EYS: variants seen among roughly 807,000 people sequenced by gnomAD.
EYS encodes the protein EGF-like photoreceptor maintenance factor, also known as protein eyes shut homolog.
In EYS, 250 loss-of-function variants were observed where a neutral mutation model predicts 282.1. That is an observed-to-expected ratio of 0.89 (90% CI 0.80 to 0.98). EYS has a LOEUF of 0.98. Among genes scored for constraint, EYS ranks in the 50% least tolerant of loss-of-function variants. The pLI is 0.00. For missense variants in EYS, 4,016 were observed against 3,709.0 expected, an observed-to-expected ratio of 1.08 and a Z score of -2.15; for synonymous variants, 1,355 against 1,282.9, an observed-to-expected ratio of 1.06 and a Z score of -1.20.
At chr6:65,116,310 T>A (rs1775372483) in intron 12 of EYS, among the ~76,000 whole-genome samples, 1 of 152,148 alleles carries the variant, frequency 6.6e-6, no homozygotes. Context: ...GAAGTCAACA[T>A]TCTTCACGTC....
chr6:63,915,274 T>G (rs1764392861), intron 35 of EYS, among the ~76,000 whole-genome samples: 1 of 152,190 alleles, frequency 6.6e-6, no homozygotes, highest in Non-Finnish European at 1.5e-5. Context: ...CCATTCTGCT[T>G]GTGCTCTACA....
At chr6:64,802,885 G>C (rs1256525677) in intron 22 of EYS, among the ~76,000 whole-genome samples, 2 of 152,106 alleles carry the variant, frequency 1.3e-5, no homozygotes, top group Admixed American at 1.3e-4. Flanking sequence ...CAATTATTTG[G>C]CTAAACTGAT....
chr6:65,139,234 T>A (rs994524860), intron 12 of EYS, among the ~76,000 whole-genome samples: 1 of 152,088 alleles, frequency 6.6e-6, no homozygotes, highest in Non-Finnish European at 1.5e-5. Flanking sequence ...ACATACACCA[T>A]GGAATACTAT....
intron 5 of EYS, among the ~76,000 whole-genome samples, chr6:65,440,284 G>C (rs1768261693): frequency 1.3e-5 from 2 of 151,826 alleles, no homozygotes; most frequent in Admixed American, 6.6e-5. Flanking sequence ...AGATGAACAG[G>C]AGTGAGAAAC....
chr6:64,176,849 C>A (rs898954284), intron 31 of EYS, among the ~76,000 whole-genome samples: 14 of 151,814 alleles, frequency 9.2e-5, no homozygotes, highest in African/African-American at 3.1e-4. Flanking sequence ...ACTTTAAGGA[C>A]CGTTATTGAA....
At chr6:63,904,067 T>C (rs1271918156) in intron 35 of EYS, among the ~76,000 whole-genome samples, 5 of 152,226 alleles carry the variant, frequency 3.3e-5, no homozygotes, top group African/African-American at 1.2e-4. Context: ...CTATAGCTTT[T>C]CTCATGTAGT....
chr6:65,283,268 T>C lies in EYS; in HGVS notation c.2023+12595A>G, dbSNP rs114984429. ...TTTAAAAAGAACAAGTCTCATTCTG[T>C]AATAATTTTATTTTTATTTTAAAAA... is the stretch of plus-strand genomic sequence containing the variant. On this transcript the variant is annotated intron_variant, in intron 12 of 42. Coordinates refer to ENST00000503581, the MANE Select transcript of EYS (RefSeq NM_001142800.2). Among the ~76,000 whole-genome samples the C allele has an allele frequency of 6.8e-3, 1,034 of 152,056 alleles. 18 individuals carry two copies. The highest frequency in any genetic ancestry group is 0.024 in the African/African-American group (993 of 41,564).
rs777478940 is a variant in EYS at position 64,867,842 on chromosome 6, T to A, written c.2992+18855A>T. On this transcript the variant is annotated intron_variant, in intron 19 of 42. Transcript: ENST00000503581. ...TCAGACTAAGTGAATTGTAATTATT[T>A]GTGTATATTTCCTGGTCTTTTATCT... is the stretch of plus-strand genomic sequence containing the variant. 2.6e-5 allele frequency among the ~76,000 whole-genome samples: 4 copies of A among 151,644 alleles called. No homozygotes were observed. The South Asian group carries it at 6.2e-4, about 24-fold the overall frequency.
chr6:65,200,173 AG>A (rs535350008), intron 12 of EYS, among the ~76,000 whole-genome samples: 2 of 151,972 alleles, frequency 1.3e-5, no homozygotes, highest in African/African-American at 4.8e-5. Context: ...TAAGTGTCAA[AG>A]ATAATTCTGA....
intron 11 of EYS, among the ~76,000 whole-genome samples, chr6:65,313,303 A>G (rs1401297588): frequency 1.3e-5 from 2 of 151,604 alleles, no homozygotes; most frequent in Non-Finnish European, 2.9e-5. Flanking sequence ...CCTAGTTTAT[A>G]TCTGGGAAAT....
At chr6:64,887,589 T>A (rs1767138621) in intron 18 of EYS, among the ~76,000 whole-genome samples, 2 of 152,064 alleles carry the variant, frequency 1.3e-5, no homozygotes, top group Admixed American at 1.3e-4. Flanking sequence ...TGAGCTAGAT[T>A]TCTATTTAGA....
chr6:65,105,950 G>T (rs1318500701), intron 12 of EYS, among the ~76,000 whole-genome samples: 2 of 151,610 alleles, frequency 1.3e-5, no homozygotes, highest in Non-Finnish European at 1.5e-5. Flanking sequence ...TGAAAAAGTT[G>T]ATTCATAGAT....
At chr6:63,752,226 GAC>G (rs58522597) in intron 41 of EYS, among the ~76,000 whole-genome samples, 12,346 of 152,078 alleles carry the variant, frequency 0.081, 558 homozygotes, top group East Asian at 0.16. Context: ...TTTTCTGGCT[GAC>G]ACAATTGATA....
chr6:64,950,957 C>T (rs541790343), intron 14 of EYS, among the ~76,000 whole-genome samples: 34 of 151,166 alleles, frequency 2.2e-4, no homozygotes, highest in African/African-American at 8.2e-4. Flanking sequence ...TGCCCATTTG[C>T]TTCCAGATAA....
intron 13 of EYS, among the ~76,000 whole-genome samples, chr6:65,018,901 C>T (rs1772150500): frequency 6.6e-6 from 1 of 151,958 alleles, no homozygotes. Flanking sequence ...GCAATCTTAG[C>T]TTAAATAATA....
At chr6:65,178,049 G>C (rs1765272002) in intron 12 of EYS, among the ~76,000 whole-genome samples, 1 of 151,852 alleles carries the variant, frequency 6.6e-6, no homozygotes, top group African/African-American at 2.4e-5. Context: ...CAAATGGGTA[G>C]GTGGGAGTGA....
intron 35 of EYS, among the ~76,000 whole-genome samples, chr6:63,882,479 T>C (rs569555434): frequency 1.3e-5 from 2 of 152,346 alleles, no homozygotes; most frequent in Admixed American, 6.5e-5. Flanking sequence ...TTGCTTTATT[T>C]ATTCATTCAT....
chr6:64,307,285 T>C (rs1292811315), intron 29 of EYS, among the ~76,000 whole-genome samples: 2 of 152,084 alleles, frequency 1.3e-5, no homozygotes, highest in African/African-American at 4.8e-5. Flanking sequence ...TCTTGGCTAT[T>C]ATGAATAATG....
chr6:65,648,708 A>T (rs1037669543), intron 1 of EYS, among the ~76,000 whole-genome samples: 2 of 57,810 alleles, frequency 3.5e-5, no homozygotes, highest in African/African-American at 6.4e-5. Flanking sequence ...CTATTGAAAT[A>T]AAAAAAAAAT....
Sources: allele counts gnomAD v4.1 joint callset (sites outside exome capture counted in the v4.1 genomes callset), GRCh38; gene constraint gnomAD v4.1.1; transcripts MANE v1.5; gene names NCBI Gene and HGNC (gene_info 2026-07-23, HGNC 2026-07-21).